The following GNA12 variants were observed in gnomAD, a reference collection of about 807,000 sequenced individuals.
The protein encoded by GNA12 is guanine nucleotide-binding protein subunit alpha-12.
GNA12 carries 9 observed loss-of-function variants against 26.0 expected under a neutral mutation model. That is an observed-to-expected ratio of 0.35 (90% CI 0.21 to 0.60). GNA12 has a LOEUF of 0.60. Ranked by LOEUF, GNA12 falls within the 20% of genes least tolerant of loss-of-function variation. The probability of loss-of-function intolerance (pLI) is 0.78; values close to 1 mark genes in which losing one functional copy is unlikely to be tolerated. For synonymous variants in GNA12, 264 were observed against 219.6 expected (o/e 1.20, Z -1.79); for missense variants, 405 against 525.8 (o/e 0.77, Z 2.25).
chr7:2,755,200 G>A (rs1246618820), intron 2 of GNA12, among the ~76,000 whole-genome samples: 2 of 152,154 alleles, frequency 1.3e-5, no homozygotes, highest in Non-Finnish European at 2.9e-5. Flanking sequence ...CAGGGAGAGT[G>A]GCCCCTCCCA....
At chr7:2,766,207 A>G (rs1297369102) in intron 2 of GNA12, among the ~76,000 whole-genome samples, 1 of 152,188 alleles carries the variant, frequency 6.6e-6, no homozygotes, top group African/African-American at 2.4e-5. Context: ...ACATAAGCAG[A>G]ATCATACTTC....
At chr7:2,829,006 G>A (rs904795399) in intron 1 of GNA12, among the ~76,000 whole-genome samples, 1 of 151,960 alleles carries the variant, frequency 6.6e-6, no homozygotes, top group African/African-American at 2.4e-5. Flanking sequence ...CCAGGAGGTG[G>A]AGGCTGCAGC....
At chr7:2,805,422 G>T (rs1292744742) in intron 1 of GNA12, among the ~76,000 whole-genome samples, 1 of 151,946 alleles carries the variant, frequency 6.6e-6, no homozygotes, top group Admixed American at 6.5e-5. Flanking sequence ...TTTTTTTGTA[G>T]AGACAGGGTC....
intron 2 of GNA12, among the ~76,000 whole-genome samples, chr7:2,743,571 C>A (rs1036816255): frequency 1.3e-5 from 2 of 152,072 alleles, no homozygotes; most frequent in Non-Finnish European, 2.9e-5. Context: ...CCAAGATGGC[C>A]GAATAGGAAC....
intron 2 of GNA12, among the ~76,000 whole-genome samples, chr7:2,768,464 C>T (rs17193852): frequency 0.11 from 16,858 of 152,084 alleles, 1,096 homozygotes; most frequent in Middle Eastern, 0.18. Flanking sequence ...TAACTGCATT[C>T]GAGGACTGCG....
intron 2 of GNA12, among the ~76,000 whole-genome samples, chr7:2,737,480 G>A (rs1414140821): frequency 6.6e-6 from 1 of 151,692 alleles, no homozygotes; most frequent in Non-Finnish European, 1.5e-5. Context: ...GTAGAGACGG[G>A]GTTTCACCAG....
chr7:2,831,836 G>C (rs1012785067), intron 1 of GNA12, among the ~76,000 whole-genome samples: 2 of 152,206 alleles, frequency 1.3e-5, no homozygotes, highest in African/African-American at 4.8e-5. Context: ...AGTGTTCTTA[G>C]TATTATACAA....
intron 1 of GNA12, among the ~76,000 whole-genome samples, chr7:2,818,218 A>G (rs960279560): frequency 4.3e-4 from 66 of 152,198 alleles, no homozygotes; most frequent in African/African-American, 1.5e-3. Flanking sequence ...GACATAGAAC[A>G]AAGTTTGTTT....
At chr7:2,793,758 C>T (rs1339547651) in intron 2 of GNA12, among the ~76,000 whole-genome samples, 1 of 151,782 alleles carries the variant, frequency 6.6e-6, no homozygotes, top group African/African-American at 2.4e-5. Flanking sequence ...TGGTGGGTGC[C>T]TACAGTCTCT....
intron 1 of GNA12, among the ~76,000 whole-genome samples, chr7:2,818,527 C>T (rs1244383639): frequency 6.6e-6 from 1 of 152,168 alleles, no homozygotes; most frequent in East Asian, 1.9e-4. Flanking sequence ...CTTTGGGAGG[C>T]CAAGGCACAC....
intron 2 of GNA12, among the ~76,000 whole-genome samples, chr7:2,737,289 G>GTTTTTTTTTTTTTTTTTTTTTT (rs11389467): frequency 8.0e-5 from 5 of 62,274 alleles, no homozygotes; most frequent in Non-Finnish European, 1.3e-4. Context: ...TTTTTTTTTT[G>GTTTTTTTTTTTTTTTTTTTTTT]TTTTTTTTTT....
At chr7:2,757,397 G>A (rs891628671) in intron 2 of GNA12, among the ~76,000 whole-genome samples, 1 of 152,230 alleles carries the variant, frequency 6.6e-6, no homozygotes, top group East Asian at 1.9e-4. Context: ...GCACACAGCC[G>A]TGTTATGAGG....
intron 2 of GNA12, among the ~76,000 whole-genome samples, chr7:2,771,274 G>C (rs540576037): frequency 1.3e-5 from 2 of 152,174 alleles, no homozygotes; most frequent in East Asian, 1.9e-4. Context: ...CTGGGCGACA[G>C]AGCAAGACTC....
intron 1 of GNA12, among the ~76,000 whole-genome samples, chr7:2,841,786 G>A (rs572069030): frequency 2.6e-5 from 4 of 152,146 alleles, no homozygotes; most frequent in Non-Finnish European, 5.9e-5. Context: ...GAGTCCTTAT[G>A]GGTAAGTGAT....
intron 2 of GNA12, among the ~76,000 whole-genome samples, chr7:2,756,714 G>A (rs533582022): frequency 1.3e-5 from 2 of 152,306 alleles, no homozygotes; most frequent in South Asian, 2.1e-4. Flanking sequence ...GATGACAGAC[G>A]CCCCTGTCTT....
At chr7:2,835,983 A>C (rs1279556482) in intron 1 of GNA12, 7 of 458,664 alleles carry the variant, frequency 1.5e-5, no homozygotes, top group Non-Finnish European at 1.6e-5. Context: ...AGTTGTATGC[A>C]AAATTTGGGA....
chr7:2,749,229 C>T (rs1171884506), intron 2 of GNA12, among the ~76,000 whole-genome samples: 7 of 152,234 alleles, frequency 4.6e-5, no homozygotes, highest in African/African-American at 1.4e-4. Context: ...TATTGCGGCA[C>T]TATTCACAAT....
At chr7:2,811,499 T>C (rs78947889) in intron 1 of GNA12, among the ~76,000 whole-genome samples, 1,529 of 152,358 alleles carry the variant, frequency 0.01, 11 homozygotes, top group Middle Eastern at 0.075. Context: ...GATAACTTTA[T>C]GTCATGACCA....
intron 2 of GNA12, among the ~76,000 whole-genome samples, chr7:2,792,336 A>G (rs1792541011): frequency 6.6e-6 from 1 of 152,364 alleles, no homozygotes; most frequent in Admixed American, 6.5e-5. Flanking sequence ...CAGGCACAGC[A>G]TAACTGGTAC....
Sources: gnomAD v4.1 joint callset for allele counts (sites outside exome capture counted in the v4.1 genomes callset) on GRCh38, gnomAD v4.1.1 for gene constraint, MANE v1.5 for transcripts, NCBI Gene and HGNC (gene_info 2026-07-23, HGNC 2026-07-21) for gene names.